Variants in DMRT3 observed in about 807,000 individuals in gnomAD.
DMRT3 encodes the protein doublesex and mab-3 related transcription factor 3, also known as doublesex- and mab-3-related transcription factor 3.
DMRT3 carries 29 observed loss-of-function variants against 34.9 expected under a neutral mutation model. That is an observed-to-expected ratio of 0.83 (90% CI 0.62 to 1.13). The LOEUF (loss-of-function observed/expected upper bound fraction) is 1.13, where lower values mean the gene tolerates loss of function less well. DMRT3 is among the 50% of genes most tolerant of loss of function. The probability of loss-of-function intolerance (pLI) is 0.00; values close to 1 mark genes in which losing one functional copy is unlikely to be tolerated. For synonymous variants in DMRT3, 350 were observed against 286.0 expected (o/e 1.22, Z -2.26); for missense variants, 772 against 629.1 (o/e 1.23, Z -2.43).
Position 990,369 on chromosome 9 carries a change from C to T in DMRT3, c.783C>T (p.Asn261=), listed in dbSNP as rs777202996. The T allele has an allele frequency of 6.2e-7, 1 of 1,614,022 alleles. No homozygotes were observed. ...PLEVLKKIFP[N]QKPTVLELIL... is the part of the protein sequence containing the mutation. ...AAGTGTTAAAAAAGATATTCCCCAA[C>T]CAGAAGCCAACGGTGCTTGAGCTCA... Residue 261 remains asparagine (N), a synonymous_variant, in exon 2 of 2, where the codon AAC becomes AAT. Coordinates refer to ENST00000190165, the MANE Select transcript of DMRT3 (RefSeq NM_021240.4).
intron 1 of DMRT3, 37 bp downstream of exon 1, chr9:977,492 C>G (rs1208550915): frequency 1.6e-6 from 2 of 1,263,140 alleles, no homozygotes; most frequent in Non-Finnish European, 2.0e-6. Flanking sequence ...TGGCCGGGCG[C>G]GGGGGCAACT....
chr9:986,503 C>T (rs973516793), intron 1 of DMRT3, among the ~76,000 whole-genome samples: 1 of 152,122 alleles, frequency 6.6e-6, no homozygotes, highest in African/African-American at 2.4e-5. Flanking sequence ...AAAACACTTC[C>T]TAATATGTTT....
In DMRT3 at chr9:977,429, C is replaced by T; in HGVS notation, c.428C>T (p.Ala143Val). Reference sequence around the variant, plus strand: ...TGGACTGCCGAGCCGCAGCCCGGGGCTCTGCAGGCGCAGCTCGCCAAGCCA... The same window carrying T: ...TGGACTGCCGAGCCGCAGCCCGGGGTTCTGCAGGCGCAGCTCGCCAAGCCA... ...LRWTAEPQPGALQAQLAKPDL... is the reference protein window; with the variant it reads ...LRWTAEPQPGVLQAQLAKPDL... Residue 143 changes from alanine (A) to valine (V), a missense_variant, in exon 1 of 2, where the codon GCT becomes GTT. Physicochemically the swap from Ala to Val is moderately conservative, Grantham distance 64. Transcript: ENST00000190165. 2 of 1,275,484 alleles carry T rather than the reference C, an allele frequency of 1.6e-6. No individual in the cohort carries two copies. Among genetic ancestry groups the T allele is most frequent in the Non-Finnish European group, 2.0e-6 (2 of 1,012,386 alleles). The allele number at this position is 1,275,484 out of a possible 1,614,324, so 79.0% of individuals were successfully genotyped here. A position where few individuals can be genotyped will look rare whatever the true frequency, so the allele number is the denominator to read the frequency against.
chr9:984,345 C>G (rs1436184839), intron 1 of DMRT3, among the ~76,000 whole-genome samples: 1 of 152,132 alleles, frequency 6.6e-6, no homozygotes, highest in East Asian at 1.9e-4. Context: ...ATATTCCTCT[C>G]TGCTCGAGTT....
In DMRT3 at chr9:976,844, C is replaced by T; in HGVS notation, c.-158C>T. On this transcript the variant is annotated 5_prime_UTR_variant, in exon 1 of 2. Coordinates refer to ENST00000190165, the MANE Select transcript of DMRT3 (RefSeq NM_021240.4). The surrounding 1 kb of genome is among the most constrained non-coding windows in gnomAD (Gnocchi z 4.5). ...GGGAGCTGGAGAGACGACTGCGGCACCTCCGGCCGCCCCGGAGCACACACG... is the reference window on the plus strand; with the variant it reads ...GGGAGCTGGAGAGACGACTGCGGCATCTCCGGCCGCCCCGGAGCACACACG... 1.4e-6 allele frequency: 1 copy of T among 689,976 alleles called. No homozygotes were observed. The highest frequency in any genetic ancestry group is 2.1e-6 in the Non-Finnish European group (1 of 478,078). 42.7% of individuals were successfully genotyped at this position (689,976 alleles called of 1,614,324 possible).
chr9:983,970 A>T (rs1225667749), intron 1 of DMRT3, among the ~76,000 whole-genome samples: 1 of 152,082 alleles, frequency 6.6e-6, no homozygotes, highest in Admixed American at 6.5e-5. Flanking sequence ...CCCAGGAAGA[A>T]AAGGAAAGTT....
At chr9:979,703 C>T (rs1317879685) in intron 1 of DMRT3, among the ~76,000 whole-genome samples, 1 of 152,112 alleles carries the variant, frequency 6.6e-6, no homozygotes, top group African/African-American at 2.4e-5. Flanking sequence ...CAAGTGGATC[C>T]ATTCTACACA....
Position 984,455 on chromosome 9 carries a change from T to C in DMRT3, c.455-5586T>C, listed in dbSNP as rs573196545. ...ATGACATCTAAGTCAGAAAGATTTT[T>C]CACATTTTTTTTTTTTTATTTAGAC... On this transcript the variant is annotated intron_variant, in intron 1 of 1. Coordinates refer to ENST00000190165, the MANE Select transcript of DMRT3 (RefSeq NM_021240.4). Among the ~76,000 whole-genome samples, 37 of 140,402 alleles carry C rather than the reference T, an allele frequency of 2.6e-4. 1 individual carries two copies. Among genetic ancestry groups the C allele is most frequent in the African/African-American group, 9.7e-4 (36 of 37,004 alleles). The allele number at this position is 140,402 out of a possible 152,430, so 92.1% of individuals were successfully genotyped here.
Position 990,714 on chromosome 9 carries a change from G to C in DMRT3, c.1128G>C (p.Leu376Phe), listed in dbSNP as rs755058215. The change falls in exon 2 of 2, where the codon TTG becomes TTC. Residue 376 changes from leucine to phenylalanine, a missense_variant. Leu to Phe is a conservative substitution (Grantham distance 22). Coordinates refer to ENST00000190165, the MANE Select transcript of DMRT3 (RefSeq NM_021240.4). Reference protein sequence around the residue: ...PRYPLMLRNTLARSQSSPFLP... With the variant: ...PRYPLMLRNTFARSQSSPFLP... ...ACCCGCTGATGCTGAGGAATACTTT[G>C]GCGAGAAGCCAGTCGAGCCCCTTTT... 6.2e-7 allele frequency: 1 copy of C among 1,613,918 alleles called. No individual in the cohort carries two copies.
chr9:987,375 G>A lies in DMRT3; in HGVS notation c.455-2666G>A, dbSNP rs117319207. Among the ~76,000 whole-genome samples, 513 of 151,650 alleles carry A rather than the reference G, an allele frequency of 3.4e-3. 11 individuals carry two copies. The highest frequency in any genetic ancestry group is 0.022 in the Admixed American group (342 of 15,232). On this transcript the variant is annotated intron_variant, in intron 1 of 1. Coordinates refer to ENST00000190165, the MANE Select transcript of DMRT3 (RefSeq NM_021240.4). ...GTTCATCCATGTTATAGCATGTATT[G>A]GAATTCCATTCCTTTTTAAGGCTGA...
Position 990,656 on chromosome 9 carries a change from C to T in DMRT3, c.1070C>T (p.Pro357Leu), listed in dbSNP as rs1244756910. The T allele has an allele frequency of 6.2e-7, 1 of 1,614,120 alleles. No individual in the cohort carries two copies. The highest frequency in any genetic ancestry group is 2.2e-5 in the East Asian group (1 of 44,872). Residue 357 changes from proline (P) to leucine (L), a missense_variant, in exon 2 of 2, where the codon CCT becomes CTT. Transcript: ENST00000190165. ...GTTGTCCCCAGTCCCTTGGCTGGGCCTCTGCAGCCCCCTTTCCCCCAGCCA... is the reference window on the plus strand; with the variant it reads ...GTTGTCCCCAGTCCCTTGGCTGGGCTTCTGCAGCCCCCTTTCCCCCAGCCA... ...SNVVPSPLAG[P>L]LQPPFPQPPR...
In DMRT3 at chr9:980,701, C is replaced by A. The variant is rs79785656; in HGVS notation, c.454+3246C>A. Among the ~76,000 whole-genome samples the A allele has an allele frequency of 1.5e-3, 201 of 131,068 alleles. 1 individual carries two copies. Among genetic ancestry groups the A allele is most frequent in the African/African-American group, 5.1e-3 (185 of 36,568 alleles). The allele number at this position is 131,068 out of a possible 152,430, so 86.0% of individuals were successfully genotyped here. A position where few individuals can be genotyped will look rare whatever the true frequency, so the allele number is the denominator to read the frequency against. Reference sequence around the variant, plus strand: ...CATACTCCTTCTCCCCATGAAAATACAGGAGGCATGAAGATCTTCCAACTG... The same window carrying A: ...CATACTCCTTCTCCCCATGAAAATAAAGGAGGCATGAAGATCTTCCAACTG... On this transcript the variant is annotated intron_variant, in intron 1 of 1. Coordinates refer to ENST00000190165, the MANE Select transcript of DMRT3 (RefSeq NM_021240.4).
rs1820159537 is a variant in DMRT3, at chr9:977,127, G to A, written c.126G>A (p.Lys42=). The A allele has an allele frequency of 1.2e-6, 2 of 1,610,574 alleles. No individual in the cohort carries two copies. Among genetic ancestry groups the A allele is most frequent in the Admixed American group, 1.7e-5 (1 of 59,804 alleles). The change falls in exon 1 of 2, where the codon AAG becomes AAA. Residue 42 remains lysine, a synonymous_variant. Transcript: ENST00000190165. ...ACCATGGCGTCCTGTCCTGGCTCAA[G>A]GGCCACAAGCGTTACTGCCGCTTCA... ...CRNHGVLSWL[K]GHKRYCRFKD...
chr9:977,298 G>C lies in DMRT3; in HGVS notation c.297G>C (p.Pro99=). ...DSLRALPGPP[P]PGDAVAAPQP... ...TGCGCGCTCTGCCAGGGCCCCCGCC[G>C]CCGGGGGACGCCGTCGCCGCCCCGC... The change falls in exon 1 of 2, where the codon CCG becomes CCC. Residue 99 remains proline (P), a synonymous_variant. Transcript: ENST00000190165. The C allele has an allele frequency of 7.3e-7, 1 of 1,368,860 alleles. No individual in the cohort carries two copies. The highest frequency in any genetic ancestry group is 2.4e-4 in the Middle Eastern group (1 of 4,152). 84.8% of individuals were successfully genotyped at this position (1,368,860 alleles called of 1,614,324 possible).
Position 977,225 on chromosome 9 carries a change from G to A in DMRT3, c.224G>A (p.Arg75His), listed in dbSNP as rs778115753. The A allele has an allele frequency of 3.7e-6, 6 of 1,601,524 alleles. No homozygotes were observed. Among genetic ancestry groups the A allele is most frequent in the Non-Finnish European group, 5.1e-6 (6 of 1,174,288 alleles). The change falls in exon 1 of 2, where the codon CGC (arginine) becomes CAC (histidine). Residue 75 changes from arginine (R) to histidine (H), a missense_variant. Coordinates refer to ENST00000190165, the MANE Select transcript of DMRT3 (RefSeq NM_021240.4). ...QRVMAAQVAL[R>H]RQQANESLES... ...GTCATGGCTGCGCAGGTGGCGCTGC[G>A]CCGGCAGCAGGCCAACGAGAGCTTG...
In DMRT3 at chr9:977,313, C is replaced by T. The variant is rs1299136487; in HGVS notation, c.312C>T (p.Val104=). ...LPGPPPPGDA[V]AAPQPPPASQ... Reference sequence around the variant, plus strand: ...GGCCCCCGCCGCCGGGGGACGCCGTCGCCGCCCCGCAGCCGCCGCCAGCCT... The same window carrying T: ...GGCCCCCGCCGCCGGGGGACGCCGTTGCCGCCCCGCAGCCGCCGCCAGCCT... The change falls in exon 1 of 2, where the codon GTC becomes GTT. Residue 104 remains valine, a synonymous_variant. Transcript: ENST00000190165. The T allele has an allele frequency of 9.8e-6, 13 of 1,320,708 alleles. No individual in the cohort carries two copies. In the African/African-American group the frequency reaches 1.1e-4, roughly 11 times the overall value. The allele number at this position is 1,320,708 out of a possible 1,614,324, so 81.8% of individuals were successfully genotyped here. A position where few individuals can be genotyped will look rare whatever the true frequency, so the allele number is the denominator to read the frequency against.
In DMRT3 at chr9:991,226, T is replaced by C. The variant is rs1586687619; in HGVS notation, c.*221T>C. ...GTTCTGTGGCTTTAGTGCTGAATGT[T>C]TATTGTAAAAGAGAGTCTAATGTTA... On this transcript the variant is annotated 3_prime_UTR_variant, in exon 2 of 2. Coordinates refer to ENST00000190165, the MANE Select transcript of DMRT3 (RefSeq NM_021240.4). 7 of 522,120 alleles carry C rather than the reference T, an allele frequency of 1.3e-5. No individual in the cohort carries two copies. In the East Asian group the frequency reaches 2.3e-4, roughly 17 times the overall value. The allele number at this position is 522,120 out of a possible 1,614,324, so 32.3% of individuals were successfully genotyped here.
chr9:977,559 G>A (rs1418820905), intron 1 of DMRT3, 104 bp downstream of exon 1: 11 of 1,032,940 alleles, frequency 1.1e-5, no homozygotes, highest in Non-Finnish European at 1.3e-5. Context: ...TTTGGGACGT[G>A]GGCCTGTCGG....
intron 1 of DMRT3, among the ~76,000 whole-genome samples, chr9:983,258 C>G (rs1259287750): frequency 6.6e-6 from 1 of 152,160 alleles, no homozygotes; most frequent in Non-Finnish European, 1.5e-5. Context: ...ATTACAACAA[C>G]TAGGCAGACA....
Sources: gnomAD v4.1 joint callset for allele counts (sites outside exome capture counted in the v4.1 genomes callset) on GRCh38, gnomAD v4.1.1 for gene constraint, Gnocchi (gnomAD v3.1) non-coding constraint, MANE v1.5 for transcripts, NCBI Gene and HGNC (gene_info 2026-07-23, HGNC 2026-07-21) for gene names.